CUBN: variants seen among roughly 807,000 people sequenced by gnomAD.
CUBN encodes 460 kDa receptor.
A neutral mutation model predicts 405.3 loss-of-function variants in CUBN; 282 were observed. The ratio of observed to expected loss-of-function variants is 0.70; its 90% CI spans 0.63 to 0.77. The LOEUF (loss-of-function observed/expected upper bound fraction) is 0.77, where lower values mean the gene tolerates loss of function less well. CUBN is among the 30% of genes least tolerant of loss of function. The probability of loss-of-function intolerance (pLI) is 0.00; values close to 1 mark genes in which losing one functional copy is unlikely to be tolerated. For missense variants in CUBN, 4,514 were observed against 4,475.2 expected (o/e 1.01, Z -0.25); for synonymous variants, 1,684 against 1,617.0 (o/e 1.04, Z -0.99).
At chr10:16,968,931 T>C (rs1261201550) in intron 31 of CUBN, among the ~76,000 whole-genome samples, 1 of 152,222 alleles carries the variant, frequency 6.6e-6, no homozygotes, top group African/African-American at 2.4e-5. Context: ...GAGCAGAAAG[T>C]GCAAATATAT....
rs773445154 is a variant in CUBN, at chr10:17,129,227, CCT to C, written c.144_145del (p.Gly49LysfsTer13). On this transcript the variant is annotated frameshift_variant, in exon 2 of 67. Coordinates refer to ENST00000377833, the MANE Select transcript of CUBN (RefSeq NM_001081.4). LOFTEE classifies it high-confidence loss of function. ...AGACCCCGTAAGAAACACCAAATTTCCTCTCTCTGTAGCCATTCGAGGCCTAT... is the reference window on the plus strand; with the variant it reads ...AGACCCCGTAAGAAACACCAAATTTCCTCTCTGTAGCCATTCGAGGCCTAT... The C allele has an allele frequency of 1.9e-6, 3 of 1,613,528 alleles. No homozygotes were observed. The highest frequency in any genetic ancestry group is 2.2e-5 in the South Asian group (2 of 91,072).
chr10:17,038,038 T>C (rs1156318511), intron 27 of CUBN, among the ~76,000 whole-genome samples: 1 of 151,816 alleles, frequency 6.6e-6, no homozygotes, highest in Non-Finnish European at 1.5e-5. Flanking sequence ...TCCCGGGTTC[T>C]AGTGATTCTC....
chr10:16,877,222 A>C lies in CUBN; in HGVS notation c.8906-125T>G, dbSNP rs1420773032. On this transcript the variant is annotated intron_variant, in intron 56 of 66. Transcript: ENST00000377833. The stretch of plus-strand genomic sequence containing the variant: ...GCTATAAAAATTAAAATGAGAAACG[A>C]GATATTTAACTTAGTTTCCTGTTGA... The C allele has an allele frequency of 4.6e-6, 4 of 864,558 alleles. No individual in the cohort carries two copies. The Admixed American group carries it at 8.0e-5, about 17-fold the overall frequency. 53.6% of individuals were successfully genotyped at this position (864,558 alleles called of 1,614,324 possible).
chr10:17,121,116 A>G (rs1321188524), intron 6 of CUBN, among the ~76,000 whole-genome samples: 9 of 152,246 alleles, frequency 5.9e-5, no homozygotes, highest in Non-Finnish European at 8.8e-5. Context: ...TCCTGGAATC[A>G]AAAAGCTCTT....
chr10:16,910,096 C>G lies in CUBN; in HGVS notation c.7534-2417G>C, dbSNP rs565433325. Among the ~76,000 whole-genome samples, 7 of 151,894 alleles carry G rather than the reference C, an allele frequency of 4.6e-5. No individual in the cohort carries two copies. In the South Asian group the frequency reaches 1.5e-3, roughly 32 times the overall value. ...TTCTTTTCTCTTTCTCCCTCTCCTT[C>G]TCATTCTCCTCCTCCTTCTCTTTCT... On this transcript the variant is annotated intron_variant, in intron 48 of 66. Transcript: ENST00000377833.
chr10:16,824,681 T>A lies in CUBN; in HGVS notation c.*294A>T. The A allele has an allele frequency of 2.8e-6, 1 of 358,084 alleles. No individual in the cohort carries two copies. Among genetic ancestry groups the A allele is most frequent in the Non-Finnish European group, 5.5e-6 (1 of 182,328 alleles). The allele number at this position is 358,084 out of a possible 1,614,324, so 22.2% of individuals were successfully genotyped here. On this transcript the variant is annotated 3_prime_UTR_variant, in exon 67 of 67. Transcript: ENST00000377833. Reference sequence around the variant, plus strand: ...AATTACAGGCACCCACCACCACGCCTGGCTAATTATTATATTGTTAGAGAG... The same window carrying A: ...AATTACAGGCACCCACCACCACGCCAGGCTAATTATTATATTGTTAGAGAG...
chr10:17,038,079 T>C (rs549501636), intron 27 of CUBN, among the ~76,000 whole-genome samples: 16 of 152,128 alleles, frequency 1.1e-4, no homozygotes, highest in East Asian at 5.8e-4. Context: ...GCTGAGATTA[T>C]AGGCCTGAGC....
intron 62 of CUBN, among the ~76,000 whole-genome samples, chr10:16,838,655 T>C (rs1035136223): frequency 6.6e-6 from 1 of 152,210 alleles, no homozygotes; most frequent in Non-Finnish European, 1.5e-5. Flanking sequence ...TTTGTTGTTG[T>C]TGTTGTTGAG....
chr10:16,888,830 C>T (rs1840903632), intron 55 of CUBN, among the ~76,000 whole-genome samples: 1 of 152,046 alleles, frequency 6.6e-6, no homozygotes, highest in Admixed American at 6.5e-5. Flanking sequence ...TACTGCAAAT[C>T]CCTTAATATT....
chr10:16,870,445 T>C (rs187609059), intron 58 of CUBN, among the ~76,000 whole-genome samples: 1 of 152,366 alleles, frequency 6.6e-6, no homozygotes, highest in Non-Finnish European at 1.5e-5. Flanking sequence ...CTTCTGCACA[T>C]GGTCCCAGCT....
intron 10 of CUBN, among the ~76,000 whole-genome samples, chr10:17,106,561 G>A (rs1009113048): frequency 2.7e-5 from 4 of 146,174 alleles, no homozygotes; most frequent in Non-Finnish European, 5.9e-5. Context: ...TCCTGCCACT[G>A]CACTCCAGCC....
rs1000915562 is a variant in CUBN at position 17,041,112 on chromosome 10, G to T, written c.3938C>A (p.Thr1313Lys). The change falls in exon 27 of 67, where the codon ACA becomes AAA. Residue 1313 changes from threonine to lysine, a missense_variant. Around this residue, in one of 5 missense-constraint regions of CUBN, gnomAD observed 242 missense variants for 309.0 expected, o/e 0.78. Transcript: ENST00000377833. ...NQHCNWTIRA[T>K]TGNTVNYTFL... ...TGTGTAGTTCACAGTGTTGCCTGTT[G>T]TTGCCCGGATGGTCCAGTTGCAATG... 5.6e-6 allele frequency: 9 copies of T among 1,613,364 alleles called. No homozygotes were observed. The highest frequency in any genetic ancestry group is 7.6e-6 in the Non-Finnish European group (9 of 1,179,732).
chr10:16,914,826 A>C (rs1432235903), intron 47 of CUBN, among the ~76,000 whole-genome samples: 1 of 152,192 alleles, frequency 6.6e-6, no homozygotes, highest in Non-Finnish European at 1.5e-5. Context: ...TCCTCTTATT[A>C]TCTCTCTCGT....
At position 16,920,007 on chromosome 10, in the gene CUBN, T is replaced by C; in HGVS notation, c.6777A>G (p.Ile2259Met). ...WILAAPPETRIQLQFEDRFDI... is the reference protein window; with the variant it reads ...WILAAPPETRMQLQFEDRFDI... The stretch of plus-strand genomic sequence containing the variant: ...CGAATCGATCTTCAAATTGCAGCTG[T>C]ATGCGTGTTTCCGGTGGAGCCGCTA... Residue 2259 changes from isoleucine (I) to methionine (M), a missense_variant, in exon 44 of 67, where the codon ATA becomes ATG. Ile to Met is a conservative substitution (Grantham distance 10, BLOSUM62 1). Coordinates refer to ENST00000377833, the MANE Select transcript of CUBN (RefSeq NM_001081.4). The C allele has an allele frequency of 6.2e-7, 1 of 1,613,576 alleles. No individual in the cohort carries two copies.
At chr10:17,056,781 T>C (rs1047139822) in intron 22 of CUBN, among the ~76,000 whole-genome samples, 1 of 152,110 alleles carries the variant, frequency 6.6e-6, no homozygotes, top group African/African-American at 2.4e-5. Context: ...AGCCACACAC[T>C]GGAAGAAAAT....
At chr10:17,011,968 G>C (rs574436382) in intron 28 of CUBN, among the ~76,000 whole-genome samples, 3 of 152,270 alleles carry the variant, frequency 2.0e-5, no homozygotes, top group East Asian at 3.9e-4. Context: ...ACTGCTGCTG[G>C]GAATTGGGTG....
intron 5 of CUBN, chr10:17,123,348 T>G (rs1019750393): frequency 9.2e-5 from 53 of 575,896 alleles, no homozygotes; most frequent in Non-Finnish European, 1.5e-4. Flanking sequence ...AAATATTGTG[T>G]TCTTCCAGGC....
intron 17 of CUBN, among the ~76,000 whole-genome samples, chr10:17,077,165 A>G (rs985167887): frequency 2.6e-5 from 4 of 152,168 alleles, no homozygotes; most frequent in African/African-American, 9.7e-5. Flanking sequence ...CCAGGTTCAG[A>G]TTTCTTGTGG....
intron 28 of CUBN, among the ~76,000 whole-genome samples, chr10:17,016,852 T>C (rs1412240179): frequency 6.6e-6 from 1 of 152,204 alleles, no homozygotes; most frequent in Non-Finnish European, 1.5e-5. Context: ...CTTTGCATAG[T>C]TGTGTATTCA....
Sources: gnomAD v4.1 joint callset for allele counts (sites outside exome capture counted in the v4.1 genomes callset) on GRCh38, gnomAD v4.1.1 for gene constraint, gnomAD v4.1.1 regional missense constraint, MANE v1.5 for transcripts, NCBI Gene and HGNC (gene_info 2026-07-23, HGNC 2026-07-21) for gene names.